SMYD3: variants seen among roughly 807,000 people sequenced by gnomAD.
The protein encoded by SMYD3 is histone-lysine N-methyltransferase SMYD3.
Under a neutral mutation model 57.7 loss-of-function variants are expected in SMYD3, and 36 were observed. The observed-to-expected ratio is 0.62, with a 90% CI of 0.48 to 0.82. The LOEUF is 0.82. SMYD3 is among the 40% of genes least tolerant of loss of function. The probability of loss-of-function intolerance (pLI) is 0.00; values close to 1 mark genes in which losing one functional copy is unlikely to be tolerated. For missense variants in SMYD3, 515 were observed against 538.8 expected (o/e 0.96, Z 0.44); for synonymous variants, 211 against 195.0 (o/e 1.08, Z -0.68).
At chr1:246,032,060 A>C (rs1558166849) in intron 5 of SMYD3, among the ~76,000 whole-genome samples, 1 of 152,158 alleles carries the variant, frequency 6.6e-6, no homozygotes, top group Non-Finnish European at 1.5e-5. Context: ...TGCTTAATAA[A>C]ACCTTCTCCT....
At chr1:246,341,603 A>G (rs1029202692) in intron 2 of SMYD3, among the ~76,000 whole-genome samples, 2 of 152,344 alleles carry the variant, frequency 1.3e-5, no homozygotes, top group African/African-American at 4.8e-5. Context: ...AGACTCTCAC[A>G]ATTCTTTCTT....
intron 10 of SMYD3, among the ~76,000 whole-genome samples, chr1:245,850,305 G>A (rs774519316): frequency 4.3e-4 from 65 of 152,126 alleles, no homozygotes; most frequent in African/African-American, 1.5e-3. Context: ...TAAAGAACCC[G>A]AAAGTGTTTT....
At position 246,101,810 on chromosome 1, in the gene SMYD3, C is replaced by G. The variant is rs541385771; in HGVS notation, c.532-171873G>C. Among the ~76,000 whole-genome samples the G allele has an allele frequency of 3.3e-5, 5 of 152,352 alleles. No homozygotes were observed. In the East Asian group the frequency reaches 9.6e-4, roughly 29 times the overall value. On this transcript the variant is annotated intron_variant, in intron 5 of 11. Transcript: ENST00000490107. ...AGCGTAAGATAAACATTAAGTGACA[C>G]ATAAATTGCCTCTTTCTGTCTTTTG...
At chr1:246,125,087 A>AC (rs1361131579) in intron 5 of SMYD3, among the ~76,000 whole-genome samples, 66 of 142,594 alleles carry the variant, frequency 4.6e-4, no homozygotes, top group East Asian at 6.2e-4. Flanking sequence ...AAAAAAAAAA[A>AC]ACACACACAC....
In SMYD3 at chr1:245,844,104, G is replaced by T. The variant is rs1006614898; in HGVS notation, c.1076+14392C>A. Among the ~76,000 whole-genome samples, 12 of 152,190 alleles carry T rather than the reference G, an allele frequency of 7.9e-5. 1 individual carries two copies. The highest frequency in any genetic ancestry group is 2.9e-4 in the African/African-American group (12 of 41,526). On this transcript the variant is annotated intron_variant, in intron 10 of 11. Coordinates refer to ENST00000490107, the MANE Select transcript of SMYD3 (RefSeq NM_001167740.2). The stretch of plus-strand genomic sequence containing the variant: ...TCCTAGTTCCTCCTCCTCTGGCCAG[G>T]AGGAAAACTCTTCTTCCTTCCTACA...
chr1:246,009,034 A>C (rs2059229060), intron 5 of SMYD3, among the ~76,000 whole-genome samples: 1 of 152,196 alleles, frequency 6.6e-6, no homozygotes, highest in Non-Finnish European at 1.5e-5. Context: ...TAGCTGCAAA[A>C]TATGAAAAAC....
At chr1:245,760,451 C>T (rs540383601) in intron 11 of SMYD3, among the ~76,000 whole-genome samples, 25 of 152,238 alleles carry the variant, frequency 1.6e-4, no homozygotes, top group East Asian at 1.9e-4. Context: ...TCACAGGTCA[C>T]GTGAGCTTTC....
intron 5 of SMYD3, among the ~76,000 whole-genome samples, chr1:246,217,064 A>G (rs1412249044): frequency 1.3e-5 from 2 of 152,160 alleles, no homozygotes. Flanking sequence ...TAAATACTGG[A>G]CAGAGGGGGA....
At chr1:245,892,997 T>C (rs551732424) in intron 8 of SMYD3, among the ~76,000 whole-genome samples, 8 of 152,280 alleles carry the variant, frequency 5.3e-5, no homozygotes, top group African/African-American at 1.7e-4. Flanking sequence ...AAGACCTGTG[T>C]ACAGGATAAA....
chr1:245,800,992 T>C (rs1351304821), intron 10 of SMYD3, among the ~76,000 whole-genome samples: 2 of 152,208 alleles, frequency 1.3e-5, no homozygotes, highest in African/African-American at 4.8e-5. Context: ...CTCTGCAAAT[T>C]CTTTGTTCAT....
intron 5 of SMYD3, among the ~76,000 whole-genome samples, chr1:246,199,571 G>C (rs1272123630): frequency 6.6e-6 from 1 of 152,206 alleles, no homozygotes; most frequent in Admixed American, 6.5e-5. Context: ...GCTCTAAACA[G>C]AAATTACTGG....
At position 246,178,436 on chromosome 1, in the gene SMYD3, G is replaced by A. The variant is rs561753143; in HGVS notation, c.531+148765C>T. Among the ~76,000 whole-genome samples, 41 of 152,278 alleles carry A rather than the reference G, an allele frequency of 2.7e-4. 1 individual carries two copies. Among genetic ancestry groups the A allele is most frequent in the African/African-American group, 8.2e-4 (34 of 41,566 alleles). The stretch of plus-strand genomic sequence containing the variant: ...CATTTACATACAGTTGAGAAATGCC[G>A]TAGACAGAGTATAAGCCAAAAACAC... On this transcript the variant is annotated intron_variant, in intron 5 of 11. Transcript: ENST00000490107.
intron 5 of SMYD3, among the ~76,000 whole-genome samples, chr1:246,166,094 C>T (rs1274708863): frequency 6.6e-6 from 1 of 151,028 alleles, no homozygotes; most frequent in African/African-American, 2.4e-5. Context: ...GTTCCCCTCC[C>T]TTTTTTAAAA....
intron 10 of SMYD3, among the ~76,000 whole-genome samples, chr1:245,778,926 G>A (rs1488963060): frequency 6.6e-6 from 1 of 152,108 alleles, no homozygotes; most frequent in African/African-American, 2.4e-5. Context: ...TTGGGAGGCC[G>A]AGGCGGGTCG....
intron 1 of SMYD3, among the ~76,000 whole-genome samples, chr1:246,406,615 T>G (rs1239043801): frequency 1.3e-5 from 2 of 152,222 alleles, no homozygotes; most frequent in African/African-American, 4.8e-5. Context: ...TCAAAGCACA[T>G]GACATGTACC....
intron 5 of SMYD3, among the ~76,000 whole-genome samples, chr1:246,258,360 A>G (rs2063937152): frequency 6.6e-6 from 1 of 152,170 alleles, no homozygotes; most frequent in South Asian, 2.1e-4. Context: ...CAGCAATGCA[A>G]GAGCACACTA....
chr1:246,365,895 A>C (rs914213440), intron 1 of SMYD3, among the ~76,000 whole-genome samples: 1 of 152,164 alleles, frequency 6.6e-6, no homozygotes, highest in African/African-American at 2.4e-5. Context: ...TTCTTTAGCA[A>C]ACCTCTTTAA....
intron 1 of SMYD3, among the ~76,000 whole-genome samples, chr1:246,475,205 G>A (rs771750136): frequency 2.0e-5 from 3 of 151,682 alleles, no homozygotes; most frequent in South Asian, 2.1e-4. Context: ...GGTGGCAGGC[G>A]CCTGTAATCC....
chr1:246,065,060 G>C (rs900777892), intron 5 of SMYD3, among the ~76,000 whole-genome samples: 7 of 152,168 alleles, frequency 4.6e-5, no homozygotes, highest in Admixed American at 6.5e-5. Context: ...GACTAAAGCA[G>C]GATATAAATA....
Sources: allele counts gnomAD v4.1 joint callset (sites outside exome capture counted in the v4.1 genomes callset), GRCh38; gene constraint gnomAD v4.1.1; transcripts MANE v1.5; gene names NCBI Gene and HGNC (gene_info 2026-07-23, HGNC 2026-07-21).